RARB: variants seen among roughly 807,000 people sequenced by gnomAD.
The protein encoded by RARB is HBV-activated protein.
A neutral mutation model predicts 51.9 loss-of-function variants in RARB; 17 were observed. The observed-to-expected ratio is 0.33, with a 90% confidence interval of 0.22 to 0.49. The LOEUF (loss-of-function observed/expected upper bound fraction) is 0.49. Ranked by LOEUF, RARB falls within the 20% of genes least tolerant of loss-of-function variation. The pLI is 0.99. For missense variants in RARB, 369 were observed against 550.8 expected (o/e 0.67, Z 3.30); for synonymous variants, 215 against 195.4 (o/e 1.10, Z -0.84).
intron 5 of RARB, among the ~76,000 whole-genome samples, chr3:25,305,035 G>C (rs1166414088): frequency 5.3e-5 from 8 of 152,168 alleles, no homozygotes; most frequent in African/African-American, 1.9e-4. Flanking sequence ...AAAGAGGCCA[G>C]GAGATTTTCA....
At chr3:25,091,506 C>T (rs758183215) in intron 3 of RARB, among the ~76,000 whole-genome samples, 15 of 152,148 alleles carry the variant, frequency 9.9e-5, no homozygotes, top group Admixed American at 1.3e-4. Flanking sequence ...ATGCCTTCTA[C>T]GGAATCCACC....
At chr3:25,153,393 G>A (rs1281706543) in intron 4 of RARB, among the ~76,000 whole-genome samples, 7 of 152,050 alleles carry the variant, frequency 4.6e-5, no homozygotes, top group African/African-American at 7.2e-5. Context: ...CATTCCTTAC[G>A]AAGGACATGC....
rs540404865 is a variant in RARB at position 25,341,044 on chromosome 3, A to G, written c.179-120149A>G. Among the ~76,000 whole-genome samples the G allele has an allele frequency of 5.3e-5, 8 of 152,278 alleles. No homozygotes were observed. In the East Asian group the frequency reaches 1.4e-3, roughly 26 times the overall value. ...TGTCTTTGCCTCTCAATCTGTGTTC[A>G]TTGGAAAGGACATGCAGCCAGCAGA... On this transcript the variant is annotated intron_variant, in intron 5 of 11. Coordinates refer to the RARB transcript ENST00000383772.
intron 5 of RARB, chr3:25,259,931 G>T (rs1575265647): frequency 1.0e-6 from 1 of 985,156 alleles, no homozygotes; most frequent in Non-Finnish European, 1.2e-6. Flanking sequence ...TTGTCTCTTT[G>T]GCATTCATGG....
chr3:24,908,663 GTTTTTTTTTTTTTTTT>G (rs59008287), intron 2 of RARB, among the ~76,000 whole-genome samples: 133 of 93,458 alleles, frequency 1.4e-3, no homozygotes, highest in African/African-American at 4.2e-3. Context: ...AACCACAACT[GTTTTTTTTTTTTTTTT>G]TTTTTTTTTA....
upstream of RARB, among the ~76,000 whole-genome samples, chr3:25,425,483 T>C (rs1707963930): frequency 6.6e-6 from 1 of 152,220 alleles, no homozygotes; most frequent in African/African-American, 2.4e-5. Context: ...AATTAATTCA[T>C]GATGAGGAAT....
intron 4 of RARB, among the ~76,000 whole-genome samples, chr3:25,165,262 C>G (rs901134007): frequency 2.0e-5 from 3 of 151,968 alleles, no homozygotes; most frequent in Non-Finnish European, 1.5e-5. Context: ...CTTCTCTGCT[C>G]TCTCTCATGT....
chr3:24,906,867 C>CA (rs1339479555), intron 2 of RARB, among the ~76,000 whole-genome samples: 1 of 116,382 alleles, frequency 8.6e-6, no homozygotes, highest in African/African-American at 3.2e-5. Context: ...AAAAAAAAAG[C>CA]AAAAAAACCC....
intron 1 of RARB, among the ~76,000 whole-genome samples, chr3:24,837,656 C>T (rs2125328775): frequency 6.6e-6 from 1 of 152,204 alleles, no homozygotes; most frequent in Middle Eastern, 3.4e-3. Flanking sequence ...CTGATTTTGG[C>T]CCTTTTATTT....
At chr3:24,856,141 T>C (rs1702631701) in intron 1 of RARB, among the ~76,000 whole-genome samples, 1 of 152,278 alleles carries the variant, frequency 6.6e-6, no homozygotes, top group African/African-American at 2.4e-5. Context: ...AAATGTACCA[T>C]GATCCCTTTA....
chr3:24,974,918 A>G (rs1275177739), intron 2 of RARB, among the ~76,000 whole-genome samples: 2 of 152,190 alleles, frequency 1.3e-5, no homozygotes, highest in Non-Finnish European at 2.9e-5. Flanking sequence ...GAAATGTTAT[A>G]CAAGGTTGGA....
chr3:25,407,160 G>GT lies in RARB; in HGVS notation c.179-54031dup, dbSNP rs553608967. 1.4e-4 allele frequency among the ~76,000 whole-genome samples: 22 copies of GT among 152,294 alleles called. No homozygotes were observed. In the South Asian group the frequency reaches 4.6e-3, roughly 32 times the overall value. ...TTCTCTCTTCAAAATGGCTTCGGCA[G>GT]TTCCCCACTGCCTATAGTCCAGTAT... On this transcript the variant is annotated intron_variant, in intron 5 of 11. Coordinates refer to the RARB transcript ENST00000383772.
intron 3 of RARB, among the ~76,000 whole-genome samples, chr3:25,548,099 GGC>G (rs1465607578): frequency 2.9e-5 from 4 of 137,196 alleles, no homozygotes; most frequent in Non-Finnish European, 6.2e-5. Context: ...TGATTCATTT[GGC>G]TTTTTTTTTT....
At chr3:24,951,607 G>A (rs1288693416) in intron 2 of RARB, among the ~76,000 whole-genome samples, 1 of 152,182 alleles carries the variant, frequency 6.6e-6, no homozygotes, top group Admixed American at 6.5e-5. Context: ...GGCATCCATT[G>A]TGAGGCTCTG....
intron 5 of RARB, among the ~76,000 whole-genome samples, chr3:25,223,457 A>T (rs567948428): frequency 6.6e-6 from 1 of 152,256 alleles, no homozygotes; most frequent in South Asian, 2.1e-4. Context: ...TTCTTGCTTG[A>T]ATAGAGAACA....
chr3:24,901,695 C>CT (rs1340424084), intron 2 of RARB, among the ~76,000 whole-genome samples: 1 of 152,190 alleles, frequency 6.6e-6, no homozygotes, highest in African/African-American at 2.4e-5. Context: ...GCTCTCCTTT[C>CT]TCCATGTAAG....
At chr3:25,238,749 G>A (rs929772808) in intron 5 of RARB, among the ~76,000 whole-genome samples, 14 of 152,066 alleles carry the variant, frequency 9.2e-5, no homozygotes, top group Admixed American at 1.3e-4. Flanking sequence ...TTGGGAGGCC[G>A]AGGCAGGTGG....
chr3:24,989,551 C>A (rs1696866654), intron 2 of RARB, among the ~76,000 whole-genome samples: 1 of 108,690 alleles, frequency 9.2e-6, no homozygotes. Context: ...GAAATATCAT[C>A]TCCCCTTGAT....
intron 5 of RARB, among the ~76,000 whole-genome samples, chr3:25,313,173 G>A (rs1458629779): frequency 6.6e-6 from 1 of 152,132 alleles, no homozygotes; most frequent in Non-Finnish European, 1.5e-5. Context: ...TCCTTTCCTT[G>A]GAAGTTCCCC....
Sources: gnomAD v4.1 joint callset for allele counts (sites outside exome capture counted in the v4.1 genomes callset) on GRCh38, gnomAD v4.1.1 for gene constraint, MANE v1.5 for transcripts, NCBI Gene and HGNC (gene_info 2026-07-23, HGNC 2026-07-21) for gene names.